QKI: variants seen among roughly 807,000 people sequenced by gnomAD.
QKI encodes KH domain-containing RNA-binding protein QKI.
QKI carries 10 observed loss-of-function variants against 39.0 expected under a neutral mutation model. The ratio of observed to expected loss-of-function variants is 0.26; its 90% CI spans 0.16 to 0.43. The LOEUF is 0.43. Ranked by LOEUF, QKI falls within the 20% of genes least tolerant of loss-of-function variation. The pLI, the probability that QKI is intolerant of heterozygous loss-of-function variation, is 1.00. For missense variants in QKI, 218 were observed against 428.0 expected, an observed-to-expected ratio of 0.51 and a Z score of 4.33; for synonymous variants, 204 against 155.4, an observed-to-expected ratio of 1.31 and a Z score of -2.33.
At chr6:163,515,069 T>C (rs1779708168) in intron 3 of QKI, among the ~76,000 whole-genome samples, 1 of 152,136 alleles carries the variant, frequency 6.6e-6, no homozygotes, top group Non-Finnish European at 1.5e-5. Context: ...CAATTAAAAA[T>C]GAACAAAGTG....
In QKI at chr6:163,577,360, A is replaced by G. The variant is rs1223614983; in HGVS notation, c.*6650A>G. On this transcript the variant is annotated 3_prime_UTR_variant, in exon 8 of 8. Transcript: ENST00000361752. ...GCTTATACGGTGTTTTGCTTTTTAA[A>G]CTACTTGCCATAATTTAAAAGTGGC... 4.6e-5 allele frequency: 7 copies of G among 152,034 alleles called. No homozygotes were observed. The highest frequency in any genetic ancestry group is 4.6e-4 in the Admixed American group (7 of 15,268). The allele number at this position is 152,034 out of a possible 1,614,324, so 9.4% of individuals were successfully genotyped here.
At chr6:163,566,514 A>AAG in intron 6 of QKI, 1 of 1,394,996 alleles carries the variant, frequency 7.2e-7, no homozygotes, top group Non-Finnish European at 9.3e-7. Context: ...GTTAAGGCCC[A>AAG]AGATGTTTGA....
chr6:163,568,245 GT>G lies in QKI; in HGVS notation c.1009+1457del, dbSNP rs368946958. On this transcript the variant is annotated intron_variant, in intron 7 of 7. Transcript: ENST00000361752. ...TTGTTCTAAAGAGTATTTTAAAGTA[GT>G]TTTTTTCCCCCAGCTAATCTTTCCC... 10 of 984,934 alleles carry G rather than the reference GT, an allele frequency of 1.0e-5. No individual in the cohort carries two copies. The East Asian group carries it at 3.4e-4, about 34-fold the overall frequency. 61.0% of individuals were successfully genotyped at this position (984,934 alleles called of 1,614,324 possible). A position where few individuals can be genotyped will look rare whatever the true frequency, so the allele number is the denominator to read the frequency against.
At chr6:163,493,230 A>G (rs890301688) in intron 3 of QKI, among the ~76,000 whole-genome samples, 1 of 151,266 alleles carries the variant, frequency 6.6e-6, no homozygotes, top group Admixed American at 6.6e-5. Flanking sequence ...TCCTGGGTTC[A>G]AGCGATTCTC....
chr6:163,549,388 AAAAGAC>A (rs1782088947), intron 4 of QKI, among the ~76,000 whole-genome samples: 1 of 152,158 alleles, frequency 6.6e-6, no homozygotes, highest in Admixed American at 6.5e-5. Flanking sequence ...AAGACTCAGT[AAAAGAC>A]CAACAGCTAG....
chr6:163,491,998 C>G (rs941293328), intron 3 of QKI, among the ~76,000 whole-genome samples: 11 of 152,076 alleles, frequency 7.2e-5, no homozygotes, highest in African/African-American at 2.7e-4. Flanking sequence ...AAAATTAAGT[C>G]TTGATTGGAT....
chr6:163,516,653 C>T lies in QKI; in HGVS notation c.403-18329C>T, dbSNP rs549181809. 1.6e-4 allele frequency among the ~76,000 whole-genome samples: 24 copies of T among 152,198 alleles called. No individual in the cohort carries two copies. In the East Asian group the frequency reaches 4.4e-3, roughly 28 times the overall value. On this transcript the variant is annotated intron_variant, in intron 3 of 7. Coordinates refer to ENST00000361752, the MANE Select transcript of QKI (RefSeq NM_006775.3). ...ATGGTCTTTCAATATACCTTTAATA[C>T]CTTGATGACTTATTTCAAGAAAGCT... is the stretch of plus-strand genomic sequence containing the variant.
intron 4 of QKI, among the ~76,000 whole-genome samples, chr6:163,557,267 A>T (rs778843516): frequency 1.1e-4 from 16 of 152,262 alleles, no homozygotes; most frequent in Non-Finnish European, 2.2e-4. Flanking sequence ...GTTAAATCAG[A>T]TGGATGGTTA....
chr6:163,569,423 T>C (rs1397844120), intron 7 of QKI: 1 of 1,268,272 alleles, frequency 7.9e-7, no homozygotes, highest in Non-Finnish European at 1.0e-6. Context: ...TTCATTCACA[T>C]CTCCTCTGCC....
intron 6 of QKI, chr6:163,564,646 A>G: frequency 1.2e-6 from 2 of 1,613,978 alleles, no homozygotes; most frequent in South Asian, 1.1e-5. Flanking sequence ...AAAAGACATT[A>G]CTGATGCCTT....
At chr6:163,525,265 T>G (rs962441290) in intron 3 of QKI, among the ~76,000 whole-genome samples, 2 of 84,438 alleles carry the variant, frequency 2.4e-5, no homozygotes, top group East Asian at 5.5e-4. Flanking sequence ...ACATCTTGTT[T>G]CCTTTTTTTT....
chr6:163,510,020 G>T (rs1779337388), intron 3 of QKI, among the ~76,000 whole-genome samples: 1 of 151,910 alleles, frequency 6.6e-6, no homozygotes, highest in Non-Finnish European at 1.5e-5. Flanking sequence ...TTTGAAACCA[G>T]TCTGGGCAAT....
At chr6:163,417,034 A>G (rs376763644) in intron 1 of QKI, among the ~76,000 whole-genome samples, 19 of 152,228 alleles carry the variant, frequency 1.2e-4, no homozygotes, top group African/African-American at 2.9e-4. Context: ...AACATACTCA[A>G]TCTGACTGAC....
chr6:163,451,404 A>G (rs1790549719), intron 1 of QKI, among the ~76,000 whole-genome samples: 2 of 152,220 alleles, frequency 1.3e-5, no homozygotes, highest in African/African-American at 4.8e-5. Context: ...GAGTGCATCT[A>G]AACAAGTGGG....
intron 3 of QKI, among the ~76,000 whole-genome samples, chr6:163,493,083 CTGATA>C (rs1018038771): frequency 4.0e-5 from 6 of 151,072 alleles, no homozygotes; most frequent in Admixed American, 2.0e-4. Flanking sequence ...TATTTGTGAC[CTGATA>C]TATTTTGTTT....
chr6:163,461,460 T>A (rs1791344560), intron 2 of QKI, among the ~76,000 whole-genome samples: 1 of 152,196 alleles, frequency 6.6e-6, no homozygotes, highest in Non-Finnish European at 1.5e-5. Context: ...AAATGAAAGA[T>A]GGGGTTGTTA....
intron 1 of QKI, among the ~76,000 whole-genome samples, chr6:163,437,794 C>T (rs1013903167): frequency 5.3e-5 from 8 of 152,200 alleles, no homozygotes; most frequent in South Asian, 2.1e-4. Flanking sequence ...ATGTATTAGA[C>T]GCTAAAATGC....
At chr6:163,446,667 C>A (rs144404979) in intron 1 of QKI, among the ~76,000 whole-genome samples, 69 of 152,118 alleles carry the variant, frequency 4.5e-4, no homozygotes, top group African/African-American at 1.6e-3. Flanking sequence ...TAAATATTAA[C>A]GTGTAAAAGT....
At chr6:163,444,840 T>C (rs1483893596) in intron 1 of QKI, among the ~76,000 whole-genome samples, 1 of 152,168 alleles carries the variant, frequency 6.6e-6, no homozygotes, top group Non-Finnish European at 1.5e-5. Flanking sequence ...TTTCATACTT[T>C]GTCACATTAT....
Sources: allele counts gnomAD v4.1 joint callset (sites outside exome capture counted in the v4.1 genomes callset), GRCh38; gene constraint gnomAD v4.1.1; transcripts MANE v1.5; gene names NCBI Gene and HGNC (gene_info 2026-07-23, HGNC 2026-07-21).